The following ATP8A1 variants were observed in gnomAD, a reference collection of about 807,000 sequenced individuals.
The protein encoded by ATP8A1 is ATPase phospholipid transporting 8A1.
In ATP8A1, 90 loss-of-function variants were observed where a neutral mutation model predicts 177.7. That is an observed-to-expected ratio of 0.51 (90% CI 0.43 to 0.60). ATP8A1 has a LOEUF of 0.60. Ranked by LOEUF, ATP8A1 falls within the 20% of genes least tolerant of loss-of-function variation. The pLI, the probability that ATP8A1 is intolerant of heterozygous loss-of-function variation, is 0.00. For synonymous variants in ATP8A1, 493 were observed against 485.9 expected, an observed-to-expected ratio of 1.01 and a Z score of -0.19; for missense variants, 1,072 against 1,392.8, an observed-to-expected ratio of 0.77 and a Z score of 3.67.
intron 33 of ATP8A1, 75 bp downstream of exon 33, chr4:42,443,490 C>T: frequency 1.5e-6 from 1 of 662,292 alleles, no homozygotes; most frequent in Admixed American, 2.4e-5. Flanking sequence ...GAAAATTATG[C>T]TAAACGATTA....
chr4:42,426,883 T>C (rs1262943499), intron 33 of ATP8A1, among the ~76,000 whole-genome samples: 4 of 152,228 alleles, frequency 2.6e-5, no homozygotes, highest in African/African-American at 9.6e-5. Flanking sequence ...TCATCTCAAT[T>C]TGCCAATTTA....
At position 42,569,182 on chromosome 4, in the gene ATP8A1, T is replaced by C. The variant is rs1408757180; in HGVS notation, c.1319A>G (p.Tyr440Cys). The change falls in exon 15 of 37, where the codon TAT (tyrosine) becomes TGT (cysteine). Residue 440 changes from tyrosine (Y) to cysteine (C), a missense_variant. Tyr to Cys is a radical substitution (Grantham distance 194). Around this residue, in one of 5 missense-constraint regions of ATP8A1, gnomAD observed 388 missense variants for 471.7 expected, o/e 0.82. Coordinates refer to ENST00000381668, the MANE Select transcript of ATP8A1 (RefSeq NM_006095.2). Reference sequence around the variant, plus strand: ...TTACCATTCATCAGGAGAGCAGCCATAATCCTCAGGTTCAGGGACATGGCT... The same window carrying C: ...TTACCATTCATCAGGAGAGCAGCCACAATCCTCAGGTTCAGGGACATGGCT... Reference protein sequence around the residue: ...AYGHVPEPEDYGCSPDEWQNS... With the variant: ...AYGHVPEPEDCGCSPDEWQNS... The C allele has an allele frequency of 6.2e-7, 1 of 1,608,066 alleles. No individual in the cohort carries two copies. The highest frequency in any genetic ancestry group is 8.5e-7 in the Non-Finnish European group (1 of 1,176,982).
chr4:42,620,105 A>C (rs942449999), intron 4 of ATP8A1, among the ~76,000 whole-genome samples: 2 of 152,230 alleles, frequency 1.3e-5, no homozygotes, highest in African/African-American at 4.8e-5. Flanking sequence ...TGGCAGCTCA[A>C]GAGTTCTTCA....
chr4:42,499,959 T>A (rs1723683089), intron 24 of ATP8A1, among the ~76,000 whole-genome samples: 1 of 152,230 alleles, frequency 6.6e-6, no homozygotes, highest in Non-Finnish European at 1.5e-5. Flanking sequence ...TAAGGGTTTA[T>A]CATTAATTAG....
chr4:42,483,776 C>A (rs1448996808), intron 25 of ATP8A1, among the ~76,000 whole-genome samples: 2 of 152,206 alleles, frequency 1.3e-5, no homozygotes, highest in South Asian at 2.1e-4. Flanking sequence ...GGCTCAGCTG[C>A]AATCACTGCA....
chr4:42,599,586 G>T (rs575159626), intron 6 of ATP8A1, among the ~76,000 whole-genome samples: 3 of 152,060 alleles, frequency 2.0e-5, no homozygotes, highest in Non-Finnish European at 4.4e-5. Context: ...TTTAATTGGG[G>T]GGTACAAGAT....
intron 15 of ATP8A1, among the ~76,000 whole-genome samples, chr4:42,568,171 G>A (rs1483224673): frequency 3.9e-5 from 6 of 152,182 alleles, no homozygotes; most frequent in Admixed American, 2.6e-4. Context: ...GGCATGTGGT[G>A]TCTCATCAGT....
chr4:42,491,971 A>G (rs1403872873), intron 24 of ATP8A1, among the ~76,000 whole-genome samples: 4 of 149,476 alleles, frequency 2.7e-5, no homozygotes, highest in Admixed American at 2.6e-4. Context: ...GACGAGGTGA[A>G]AATTATGGGT....
intron 30 of ATP8A1, 31 bp downstream of exon 30, chr4:42,451,950 A>C: frequency 6.9e-7 from 1 of 1,457,076 alleles, no homozygotes; most frequent in Non-Finnish European, 9.5e-7. Flanking sequence ...GTAAAAAGTC[A>C]TCTCTTTGCA....
rs116785823 is a variant in ATP8A1 at position 42,612,833 on chromosome 4, T to C, written c.409+3200A>G. ...AAAGACAAGTTTATATTTCTGAAGT[T>C]GCTAAGGAATGAGAGTGTTACCCTC... On this transcript the variant is annotated intron_variant, in intron 5 of 36. Coordinates refer to ENST00000381668, the MANE Select transcript of ATP8A1 (RefSeq NM_006095.2). Among the ~76,000 whole-genome samples, 412 of 152,274 alleles carry C rather than the reference T, an allele frequency of 2.7e-3. 3 individuals are homozygous for C. The highest frequency in any genetic ancestry group is 0.017 in the Middle Eastern group (5 of 294).
At chr4:42,570,630 T>TAC (rs1382341488) in intron 14 of ATP8A1, among the ~76,000 whole-genome samples, 2 of 152,246 alleles carry the variant, frequency 1.3e-5, no homozygotes, top group Non-Finnish European at 2.9e-5. Flanking sequence ...TGCTGAGCAC[T>TAC]ACCTAGAGCC....
chr4:42,424,681 T>C, intron 33 of ATP8A1, among the ~76,000 whole-genome samples: 1 of 152,368 alleles, frequency 6.6e-6, no homozygotes, highest in South Asian at 2.1e-4. Flanking sequence ...ACATTTCTAA[T>C]TTTAAATTAT....
At chr4:42,453,408 G>A (rs747735024) in intron 29 of ATP8A1, among the ~76,000 whole-genome samples, 4 of 152,078 alleles carry the variant, frequency 2.6e-5, no homozygotes, top group Non-Finnish European at 4.4e-5. Context: ...TTGGCAACTC[G>A]TGTATAAAAA....
chr4:42,619,800 C>A (rs1737287466), intron 4 of ATP8A1, among the ~76,000 whole-genome samples: 1 of 152,150 alleles, frequency 6.6e-6, no homozygotes, highest in Non-Finnish European at 1.5e-5. Context: ...TGAGATAACA[C>A]CTTCTCTTTG....
chr4:42,496,049 T>A (rs1399969927), intron 24 of ATP8A1, among the ~76,000 whole-genome samples: 1 of 152,182 alleles, frequency 6.6e-6, no homozygotes, highest in Non-Finnish European at 1.5e-5. Context: ...GTTGTAGTGC[T>A]GGGTAAATTG....
chr4:42,433,370 CT>C (rs1715521413), intron 33 of ATP8A1, among the ~76,000 whole-genome samples: 1 of 152,182 alleles, frequency 6.6e-6, no homozygotes, highest in South Asian at 2.1e-4. Context: ...GACAAACTAG[CT>C]CTTCAGAATG....
At chr4:42,455,171 T>C in intron 29 of ATP8A1, 126 bp downstream of exon 29, 6 of 1,198,460 alleles carry the variant, frequency 5.0e-6, no homozygotes, top group Middle Eastern at 2.2e-4. Context: ...TGACTTGCCA[T>C]AGTCGGTACC....
At chr4:42,594,255 T>C in intron 6 of ATP8A1, 1 of 1,338,772 alleles carries the variant, frequency 7.5e-7, no homozygotes, top group Non-Finnish European at 1.1e-6. Flanking sequence ...GAAACCATCC[T>C]CTACACTGTT....
intron 24 of ATP8A1, among the ~76,000 whole-genome samples, chr4:42,502,113 A>G (rs1723914193): frequency 6.6e-6 from 1 of 152,054 alleles, no homozygotes; most frequent in African/African-American, 2.4e-5. Context: ...AAATATTTAT[A>G]GTGTACTTAC....
Sources: gnomAD v4.1 joint callset for allele counts (sites outside exome capture counted in the v4.1 genomes callset) on GRCh38, gnomAD v4.1.1 for gene constraint, gnomAD v4.1.1 regional missense constraint, MANE v1.5 for transcripts, NCBI Gene and HGNC (gene_info 2026-07-23, HGNC 2026-07-21) for gene names.